Variants in RBFOX1 observed in about 807,000 individuals in gnomAD.
RBFOX1 encodes RNA binding protein fox-1 homolog 1.
Under a neutral mutation model 57.7 loss-of-function variants are expected in RBFOX1, and 8 were observed. The observed-to-expected ratio is 0.14, with a 90% CI of 0.08 to 0.25. RBFOX1 has a LOEUF of 0.25. RBFOX1 is among the 10% of genes least tolerant of loss of function. The probability of loss-of-function intolerance (pLI) is 1.00; values close to 1 mark genes in which losing one functional copy is unlikely to be tolerated. For missense variants in RBFOX1, 611 were observed against 548.5 expected, an observed-to-expected ratio of 1.11 and a Z score of -1.14; for synonymous variants, 326 against 222.4, an observed-to-expected ratio of 1.47 and a Z score of -4.15.
chr16:6,890,059 T>C (rs2065049289), intron 3 of RBFOX1, among the ~76,000 whole-genome samples: 1 of 152,246 alleles, frequency 6.6e-6, no homozygotes, highest in South Asian at 2.1e-4. Context: ...GTTGATTTTA[T>C]AGATTTTCTT....
Position 7,105,993 on chromosome 16 carries a change from C to T in RBFOX1, c.27+53895C>T, listed in dbSNP as rs559654932. Among the ~76,000 whole-genome samples the T allele has an allele frequency of 4.6e-5, 7 of 152,280 alleles. No individual in the cohort carries two copies. In the East Asian group the frequency reaches 1.4e-3, roughly 29 times the overall value. ...CTAATGACAACTCTATGAAACTACT[C>T]AGTCCAGGAGGATTTCTTACAGCAC... On this transcript the variant is annotated intron_variant, in intron 4 of 15. Coordinates refer to ENST00000550418, the MANE Select transcript of RBFOX1 (RefSeq NM_018723.4).
chr16:6,177,922 TAAAA>T (rs57642754), intron 1 of RBFOX1, among the ~76,000 whole-genome samples: 3 of 140,000 alleles, frequency 2.1e-5, no homozygotes, highest in Non-Finnish European at 1.5e-5. Flanking sequence ...TCAGTGGGGG[TAAAA>T]AAAAAAAAAA....
Position 7,167,549 on chromosome 16 carries a change from G to T in RBFOX1, c.27+115451G>T, listed in dbSNP as rs576046327. Among the ~76,000 whole-genome samples, 3 of 152,152 alleles carry T rather than the reference G, an allele frequency of 2.0e-5. No homozygotes were observed. In the South Asian group the frequency reaches 6.2e-4, roughly 32 times the overall value. ...CCCATGCAGTCTTTGGAGGGAGTGC[G>T]ACCCCGCCAGTACCTTGCTTTAGGA... On this transcript the variant is annotated intron_variant, in intron 4 of 15. Transcript: ENST00000550418.
chr16:6,063,826 A>T (rs1288603063), intron 1 of RBFOX1, among the ~76,000 whole-genome samples: 1 of 152,122 alleles, frequency 6.6e-6, no homozygotes, highest in Non-Finnish European at 1.5e-5. Context: ...TGGGATGTAG[A>T]TGCTTGACAG....
At chr16:5,694,777 T>C (rs1358780804) in intron 3 of RBFOX1, among the ~76,000 whole-genome samples, 1 of 151,338 alleles carries the variant, frequency 6.6e-6, no homozygotes, top group Non-Finnish European at 1.5e-5. Flanking sequence ...TTGATTTTCC[T>C]TTTTTGGGGA....
At chr16:5,881,014 C>T (rs2057748240) in intron 4 of RBFOX1, among the ~76,000 whole-genome samples, 2 of 152,150 alleles carry the variant, frequency 1.3e-5, no homozygotes, top group African/African-American at 4.8e-5. Flanking sequence ...GTGACAAAGT[C>T]ACAGGTACTT....
chr16:5,646,182 AT>A (rs55685218), intron 3 of RBFOX1, among the ~76,000 whole-genome samples: 1,582 of 133,686 alleles, frequency 0.012, 24 homozygotes, highest in African/African-American at 0.039. Context: ...GGCACGTGCT[AT>A]TTTTTTTTTT....
At chr16:5,965,699 C>T (rs535982412) in intron 4 of RBFOX1, among the ~76,000 whole-genome samples, 31 of 152,166 alleles carry the variant, frequency 2.0e-4, no homozygotes, top group Non-Finnish European at 3.5e-4. Context: ...CCTGCCTCAT[C>T]TCTGACTTAA....
intron 3 of RBFOX1, among the ~76,000 whole-genome samples, chr16:7,014,541 G>A (rs1325939271): frequency 6.6e-6 from 1 of 151,992 alleles, no homozygotes; most frequent in Non-Finnish European, 1.5e-5. Flanking sequence ...CAAAGTGCTA[G>A]AATTACAGGA....
chr16:6,761,265 A>G (rs2076557448), intron 3 of RBFOX1, among the ~76,000 whole-genome samples: 1 of 152,100 alleles, frequency 6.6e-6, no homozygotes, highest in African/African-American at 2.4e-5. Flanking sequence ...ATCCGTCCGA[A>G]GGGCTAAGTG....
intron 3 of RBFOX1, among the ~76,000 whole-genome samples, chr16:6,719,704 C>T (rs1031183341): frequency 3.5e-4 from 53 of 151,988 alleles, no homozygotes; most frequent in Admixed American, 1.1e-3. Flanking sequence ...CCTTGGCCTC[C>T]CAAAGTGATG....
intron 2 of RBFOX1, among the ~76,000 whole-genome samples, chr16:6,604,937 C>A (rs2097905563): frequency 6.6e-6 from 1 of 151,998 alleles, no homozygotes; most frequent in Non-Finnish European, 1.5e-5. Flanking sequence ...GAATTTGAGA[C>A]CAGCCTGGGC....
chr16:7,366,615 G>T (rs2097454506), intron 4 of RBFOX1, among the ~76,000 whole-genome samples: 2 of 151,810 alleles, frequency 1.3e-5, no homozygotes, highest in Admixed American at 6.6e-5. Context: ...TTGAAACTCT[G>T]GTCAGTTTCT....
intron 1 of RBFOX1, among the ~76,000 whole-genome samples, chr16:5,338,840 G>T (rs1003545541): frequency 6.6e-5 from 10 of 151,984 alleles, no homozygotes; most frequent in Non-Finnish European, 1.3e-4. Flanking sequence ...TGTATAGGTT[G>T]GGGTCTTACT....
chr16:7,096,651 G>A (rs897442071), intron 4 of RBFOX1, among the ~76,000 whole-genome samples: 2 of 152,102 alleles, frequency 1.3e-5, no homozygotes, highest in African/African-American at 2.4e-5. Context: ...CGGGGACTGA[G>A]TTGAGCAGGT....
intron 3 of RBFOX1, among the ~76,000 whole-genome samples, chr16:5,847,376 G>A (rs191125163): frequency 6.7e-6 from 1 of 148,504 alleles, no homozygotes; most frequent in African/African-American, 2.5e-5. Context: ...GGGGGTGGGG[G>A]GGGAATCTTA....
At chr16:7,057,967 C>G (rs1294198726) in intron 4 of RBFOX1, among the ~76,000 whole-genome samples, 1 of 143,080 alleles carries the variant, frequency 7.0e-6, no homozygotes, top group African/African-American at 2.5e-5. Context: ...GAGATCATGC[C>G]ACTGCACTCC....
intron 1 of RBFOX1, among the ~76,000 whole-genome samples, chr16:6,089,822 C>A (rs908696112): frequency 5.9e-5 from 9 of 152,150 alleles, no homozygotes; most frequent in Admixed American, 1.3e-4. Flanking sequence ...GACACCATCG[C>A]TTTGCATAAA....
chr16:6,780,408 A>ATTTATATATATT (rs1287233295), intron 3 of RBFOX1, among the ~76,000 whole-genome samples: 10 of 34,700 alleles, frequency 2.9e-4, no homozygotes, highest in Middle Eastern at 0.019. Context: ...TTTTATATAT[A>ATTTATATATATT]TTTATATATA....
Sources: gnomAD v4.1 joint callset for allele counts (sites outside exome capture counted in the v4.1 genomes callset) on GRCh38, gnomAD v4.1.1 for gene constraint, MANE v1.5 for transcripts, NCBI Gene and HGNC (gene_info 2026-07-23, HGNC 2026-07-21) for gene names.